Variants in ZNF718 observed in about 807,000 individuals in gnomAD.
ZNF718 encodes zinc finger protein 718.
A neutral mutation model predicts 2.6 loss-of-function variants in ZNF718; 3 were observed. That is an observed-to-expected ratio of 1.16 (90% confidence interval 0.53 to 3.01). ZNF718 has a LOEUF of 3.01. Among genes scored for constraint, ZNF718 ranks in the 30% most tolerant of loss-of-function variants. The pLI, the probability that ZNF718 is intolerant of heterozygous loss-of-function variation, is 0.03. For synonymous variants in ZNF718, 135 were observed against 77.9 expected (o/e 1.73, Z -3.86); for missense variants, 468 against 230.0 (o/e 2.03, Z -6.69).
chr4:146,371 C>T (rs140713335), intron 3 of ZNF718, among the ~76,000 whole-genome samples: 2,539 of 152,166 alleles, frequency 0.017, 47 homozygotes, highest in African/African-American at 0.041. Flanking sequence ...TTCTGTGTGG[C>T]TTGCATGGTT....
rs568330751 is a variant in ZNF718 at position 151,604 on chromosome 4, G to A, written c.227-9308G>A. Among the ~76,000 whole-genome samples the A allele has an allele frequency of 4.0e-5, 6 of 151,564 alleles. No homozygotes were observed. In the South Asian group the frequency reaches 8.4e-4, roughly 21 times the overall value. On this transcript the variant is annotated intron_variant, in intron 3 of 3. Coordinates refer to ENST00000510175, the MANE Select transcript of ZNF718 (RefSeq NM_001039127.6). ...CAAGTGATTTTCCTGCCTCAGCCTCGCAAGTAGCTGGGACTACAGGTGCCC... is the reference window on the plus strand; with the variant it reads ...CAAGTGATTTTCCTGCCTCAGCCTCACAAGTAGCTGGGACTACAGGTGCCC...
Position 161,348 on chromosome 4 carries a change from T to C in ZNF718, c.663T>C (p.His221=). 1.3e-6 allele frequency: 1 copy of C among 779,474 alleles called. No homozygotes were observed. The highest frequency in any genetic ancestry group is 2.4e-6 in the Non-Finnish European group (1 of 417,532). The allele number at this position is 779,474 out of a possible 1,614,324, so 48.3% of individuals were successfully genotyped here. A position where few individuals can be genotyped will look rare whatever the true frequency, so the allele number is the denominator to read the frequency against. ...TTCTTACTAAACATAAGAGAATTCA[T>C]GCCAGAGAGAAATTCTACAAGTGTG... ...SSILTKHKRI[H]AREKFYKCEE... The change falls in exon 4 of 4, where the codon CAT becomes CAC. Residue 221 remains histidine, a synonymous_variant. Transcript: ENST00000510175.
At position 162,185 on chromosome 4, in the gene ZNF718, G is replaced by A. The variant is rs1257770031; in HGVS notation, c.*63G>A. 3.3e-6 allele frequency: 2 copies of A among 614,860 alleles called. No homozygotes were observed. Among genetic ancestry groups the A allele is most frequent in the Non-Finnish European group, 5.9e-6 (2 of 337,100 alleles). 38.1% of individuals were successfully genotyped at this position (614,860 alleles called of 1,614,324 possible). ...GTCTTTTCTAATCATAATTCATACT[G>A]GAGAGAAACTCTACACATGAAAAAA... is the stretch of plus-strand genomic sequence containing the variant. On this transcript the variant is annotated 3_prime_UTR_variant, in exon 4 of 4. Transcript: ENST00000510175.
intron 3 of ZNF718, among the ~76,000 whole-genome samples, chr4:179,895 TTAAAA>T (rs370116431): frequency 3.9e-5 from 6 of 152,262 alleles, no homozygotes; most frequent in African/African-American, 1.4e-4. Context: ...TGTCATTTAA[TTAAAA>T]TAAAACATCA....
At chr4:182,404 ATATTTATTTATTTATTTATTTATT>A (rs74441689) in intron 3 of ZNF718, among the ~76,000 whole-genome samples, 17 of 147,642 alleles carry the variant, frequency 1.2e-4, no homozygotes, top group African/African-American at 3.7e-4. Context: ...ATTTTGATTT[ATATTTATTTATTTATTTATTTATT>A]TATTTATTTA....
intron 1 of ZNF718, among the ~76,000 whole-genome samples, chr4:130,065 A>G (rs1307662114): frequency 1.9e-5 from 2 of 104,688 alleles, no homozygotes; most frequent in Admixed American, 2.1e-4. Context: ...GCCGTATTTC[A>G]AGATGATGAT....
intron 3 of ZNF718, among the ~76,000 whole-genome samples, chr4:145,562 A>C (rs1327257006): frequency 1.3e-5 from 2 of 152,146 alleles, no homozygotes; most frequent in African/African-American, 4.8e-5. Context: ...CCCCAGGCTC[A>C]AGCAATCTTC....
downstream of ZNF718, among the ~76,000 whole-genome samples, chr4:164,998 C>T (rs1717056192): frequency 1.3e-5 from 2 of 152,134 alleles, no homozygotes; most frequent in African/African-American, 4.8e-5. Flanking sequence ...GACATCTGTT[C>T]CCAGGCTGTA....
chr4:137,605 A>G (rs200587197), intron 3 of ZNF718, among the ~76,000 whole-genome samples: 1 of 152,102 alleles, frequency 6.6e-6, no homozygotes, highest in Non-Finnish European at 1.5e-5. Flanking sequence ...AAGATTAAAA[A>G]TTTTTTCAAT....
intron 3 of ZNF718, among the ~76,000 whole-genome samples, chr4:146,076 TC>T (rs1553811220): frequency 5.0e-5 from 4 of 80,638 alleles, no homozygotes; most frequent in Non-Finnish European, 1.1e-4. Context: ...GATATAGCCT[TC>T]TATATATATA....
chr4:133,195 A>AAAAAACATATATAT (rs1258303094), intron 3 of ZNF718, among the ~76,000 whole-genome samples: 5 of 20,780 alleles, frequency 2.4e-4, no homozygotes, highest in African/African-American at 8.4e-4. Flanking sequence ...AAAAAAAAAA[A>AAAAAACATATATAT]ATATATATAT....
intron 3 of ZNF718, among the ~76,000 whole-genome samples, chr4:136,577 C>T (rs1553809365): frequency 3.3e-5 from 5 of 152,206 alleles, no homozygotes; most frequent in African/African-American, 1.2e-4. Context: ...TCCAAATATC[C>T]CTACTTGATC....
chr4:188,697 G>A (rs559205043), intron 3 of ZNF718, among the ~76,000 whole-genome samples: 27 of 152,314 alleles, frequency 1.8e-4, no homozygotes, highest in African/African-American at 6.5e-4. Flanking sequence ...CAAGGCCCTG[G>A]TCAAGTGGGC....
Position 163,140 on chromosome 4 carries a change from T to C in ZNF718, c.*1018T>C, listed in dbSNP as rs1200490512. The C allele has an allele frequency of 1.3e-5, 2 of 152,212 alleles. No individual in the cohort carries two copies. The highest frequency in any genetic ancestry group is 4.8e-5 in the African/African-American group (2 of 41,458). 9.4% of individuals were successfully genotyped at this position (152,212 alleles called of 1,614,324 possible). On this transcript the variant is annotated 3_prime_UTR_variant, in exon 4 of 4. Coordinates refer to ENST00000510175, the MANE Select transcript of ZNF718 (RefSeq NM_001039127.6). ...TATATGAAAGCATGTGATGAATTGTTGCATCAGAGGTATGAGTGATTCTTT... is the reference window on the plus strand; with the variant it reads ...TATATGAAAGCATGTGATGAATTGTCGCATCAGAGGTATGAGTGATTCTTT...
intron 3 of ZNF718, among the ~76,000 whole-genome samples, chr4:200,927 A>T (rs2108819882): frequency 6.6e-6 from 1 of 152,356 alleles, no homozygotes; most frequent in South Asian, 2.1e-4. Context: ...AAGTGCTCTT[A>T]ATTGGATATA....
chr4:168,828 A>G (rs1382711948), downstream of ZNF718, among the ~76,000 whole-genome samples: 1 of 152,098 alleles, frequency 6.6e-6, no homozygotes, highest in Admixed American at 6.6e-5. Flanking sequence ...GATTTTTTGA[A>G]GGGCTTTTTG....
intron 3 of ZNF718, among the ~76,000 whole-genome samples, chr4:179,099 C>G (rs148753677): frequency 7.6e-4 from 116 of 152,266 alleles, no homozygotes; most frequent in African/African-American, 2.6e-3. Flanking sequence ...TCATTATCTT[C>G]TATTTAGGTG....
chr4:126,369 A>T (rs533311681), intron 1 of ZNF718, among the ~76,000 whole-genome samples: 2 of 152,356 alleles, frequency 1.3e-5, no homozygotes, highest in South Asian at 4.1e-4. Context: ...TTTTTGAAAT[A>T]TATGTAAATC....
intron 3 of ZNF718, 28 bp from the exon 4 acceptor site, chr4:160,884 G>A: frequency 1.4e-6 from 1 of 732,124 alleles, no homozygotes; most frequent in South Asian, 1.5e-5. Flanking sequence ...TAGTAAGTGG[G>A]ATAATTTGTT....
Sources: gnomAD v4.1 joint callset for allele counts (sites outside exome capture counted in the v4.1 genomes callset) on GRCh38, gnomAD v4.1.1 for gene constraint, MANE v1.5 for transcripts, NCBI Gene and HGNC (gene_info 2026-07-23, HGNC 2026-07-21) for gene names.